Variants in CHMP5 observed in about 807,000 individuals in gnomAD.
The protein encoded by CHMP5 is SNF7 domain containing 2.
Under a neutral mutation model 33.0 loss-of-function variants are expected in CHMP5, and 17 were observed. That is an observed-to-expected ratio of 0.52 (90% CI 0.35 to 0.77). The LOEUF (loss-of-function observed/expected upper bound fraction) is 0.77. Among genes scored for constraint, CHMP5 ranks in the 30% least tolerant of loss-of-function variants. The probability of loss-of-function intolerance (pLI) is 0.01; values close to 1 mark genes in which losing one functional copy is unlikely to be tolerated. For synonymous variants in CHMP5, 76 were observed against 90.2 expected, an observed-to-expected ratio of 0.84 and a Z score of 0.89; for missense variants, 216 against 261.5, an observed-to-expected ratio of 0.83 and a Z score of 1.20.
chr9:33,278,023 T>C, intron 6 of CHMP5, 90 bp from the exon 7 acceptor site: 1 of 791,794 alleles, frequency 1.3e-6, no homozygotes, highest in Non-Finnish European at 2.1e-6. Context: ...TTCACTGCCT[T>C]CTTTCAAGTC....
At chr9:33,271,933 G>A (rs906374113) in intron 5 of CHMP5, among the ~76,000 whole-genome samples, 11 of 152,196 alleles carry the variant, frequency 7.2e-5, no homozygotes, top group African/African-American at 2.2e-4. Flanking sequence ...ATTGTCATGA[G>A]TGTTAAATGA....
At chr9:33,265,942 C>A in intron 1 of CHMP5, 68 bp from the exon 2 acceptor site, 1 of 1,006,868 alleles carries the variant, frequency 9.9e-7, no homozygotes, top group South Asian at 1.4e-5. Flanking sequence ...ATTCCTTCCT[C>A]TCTACCTGCC....
At chr9:33,270,393 G>A (rs1054577105) in intron 3 of CHMP5, among the ~76,000 whole-genome samples, 5 of 152,178 alleles carry the variant, frequency 3.3e-5, no homozygotes, top group African/African-American at 1.2e-4. Flanking sequence ...CCATTGTTAA[G>A]CGATGCATGA....
In CHMP5 at chr9:33,281,288, G is replaced by C; in HGVS notation, c.*429G>C. 1 of 156,998 alleles carries C rather than the reference G, an allele frequency of 6.4e-6. No homozygotes were observed. Among genetic ancestry groups the C allele is most frequent in the Non-Finnish European group, 1.4e-5 (1 of 71,126 alleles). 9.7% of individuals were successfully genotyped at this position (156,998 alleles called of 1,614,324 possible). A position where few individuals can be genotyped will look rare whatever the true frequency, so the allele number is the denominator to read the frequency against. On this transcript the variant is annotated 3_prime_UTR_variant, in exon 8 of 8. Transcript: ENST00000223500. ...AATCATTTTCTATTGTGGTATTATA[G>C]GTTGGTTAAAGTGATGGCCTTTTTG...
intron 7 of CHMP5, among the ~76,000 whole-genome samples, chr9:33,278,646 T>G (rs1300757051): frequency 6.6e-6 from 1 of 152,020 alleles, no homozygotes; most frequent in African/African-American, 2.4e-5. Flanking sequence ...TTCTTTTTTT[T>G]TTTTCCTGTA....
At chr9:33,273,408 C>T (rs986442747) in intron 5 of CHMP5, among the ~76,000 whole-genome samples, 1 of 152,072 alleles carries the variant, frequency 6.6e-6, no homozygotes, top group Non-Finnish European at 1.5e-5. Flanking sequence ...TTGGTGAATG[C>T]TTTGTATGTC....
intron 5 of CHMP5, among the ~76,000 whole-genome samples, chr9:33,272,786 C>G (rs1820810352): frequency 6.6e-6 from 1 of 151,656 alleles, no homozygotes. Flanking sequence ...GGCGACAGAG[C>G]AAGACTCCGT....
At chr9:33,277,887 C>T in intron 6 of CHMP5, 2 of 392,290 alleles carry the variant, frequency 5.1e-6, no homozygotes, top group East Asian at 3.8e-5. Flanking sequence ...CTTCAATTGC[C>T]CCTGATAAGT....
rs776456950 is a variant in CHMP5, at chr9:33,265,087, A to G, written c.9A>G (p.Arg3=). The change falls in exon 1 of 8, where the codon CGA becomes CGG. Residue 3 remains arginine (R), a synonymous_variant. Coordinates refer to ENST00000223500, the MANE Select transcript of CHMP5 (RefSeq NM_016410.6). ...CTTCGCGGCTGCTCAAGATGAACCG[A>G]CTCTTCGGGAAAGCGAAACCCAAGG... The part of the protein sequence containing the change: MN[R]LFGKAKPKAP... 2 of 1,613,442 alleles carry G rather than the reference A, an allele frequency of 1.2e-6. No homozygotes were observed. The highest frequency in any genetic ancestry group is 2.2e-5 in the South Asian group (2 of 91,046).
At chr9:33,269,848 C>T (rs1043447364) in intron 3 of CHMP5, among the ~76,000 whole-genome samples, 14 of 151,698 alleles carry the variant, frequency 9.2e-5, no homozygotes, top group African/African-American at 3.1e-4. Flanking sequence ...TGGCGCATGC[C>T]TGTGATCCCA....
Position 33,280,897 on chromosome 9 carries a change from A to G in CHMP5, c.*38A>G, listed in dbSNP as rs751528712. ...CAAGCATATCTTGTAAAACAAACAC[A>G]TATTATGGGACTAGGAAATATTTAT... On this transcript the variant is annotated 3_prime_UTR_variant, in exon 8 of 8. Coordinates refer to ENST00000223500, the MANE Select transcript of CHMP5 (RefSeq NM_016410.6). The G allele has an allele frequency of 6.6e-6, 10 of 1,522,840 alleles. No homozygotes were observed. Among genetic ancestry groups the G allele is most frequent in the South Asian group, 4.8e-5 (4 of 83,266 alleles). The allele number at this position is 1,522,840 out of a possible 1,614,324, so 94.3% of individuals were successfully genotyped here.
At chr9:33,270,992 G>A (rs1820787461) in intron 4 of CHMP5, among the ~76,000 whole-genome samples, 160 bp from the exon 5 acceptor site, 1 of 152,186 alleles carries the variant, frequency 6.6e-6, no homozygotes, top group Non-Finnish European at 1.5e-5. Context: ...TGAGGCAGGA[G>A]AATCACTTGA....
intron 7 of CHMP5, among the ~76,000 whole-genome samples, chr9:33,279,087 G>C (rs1459780028): frequency 1.3e-5 from 2 of 152,044 alleles, no homozygotes; most frequent in Non-Finnish European, 2.9e-5. Context: ...AACATGCCTG[G>C]CTAATTTTTG....
chr9:33,269,429 A>T (rs1000510498), intron 3 of CHMP5, among the ~76,000 whole-genome samples: 4 of 152,126 alleles, frequency 2.6e-5, no homozygotes, highest in Non-Finnish European at 5.9e-5. Context: ...GCTTGAACCC[A>T]GGAGGCAGAG....
intron 3 of CHMP5, 83 bp from the exon 4 acceptor site, chr9:33,270,540 C>A: frequency 4.8e-6 from 5 of 1,045,938 alleles, no homozygotes; most frequent in Non-Finnish European, 7.1e-6. Context: ...TTTTTAAATA[C>A]TCTTATTTAG....
At chr9:33,278,413 C>T (rs1820880610) in intron 7 of CHMP5, among the ~76,000 whole-genome samples, 188 bp downstream of exon 7, 1 of 152,200 alleles carries the variant, frequency 6.6e-6, no homozygotes, top group Non-Finnish European at 1.5e-5. Flanking sequence ...TAAACACTGT[C>T]ACTGAGGCTC....
chr9:33,272,393 C>CAAAAAA (rs10710870), intron 5 of CHMP5, among the ~76,000 whole-genome samples: 1 of 125,092 alleles, frequency 8.0e-6, no homozygotes, highest in Non-Finnish European at 1.7e-5. Flanking sequence ...GGAGATAAAG[C>CAAAAAA]AAAAAAAAAA....
chr9:33,265,761 T>C (rs1820710001), intron 1 of CHMP5, among the ~76,000 whole-genome samples: 1 of 152,202 alleles, frequency 6.6e-6, no homozygotes, highest in Non-Finnish European at 1.5e-5. Flanking sequence ...GATTCTCAAA[T>C]TATTTTCTGC....
intron 7 of CHMP5, among the ~76,000 whole-genome samples, chr9:33,279,105 A>G (rs1820889605): frequency 6.6e-6 from 1 of 152,078 alleles, no homozygotes; most frequent in South Asian, 2.1e-4. Context: ...TTGTATTTTT[A>G]GTAGAGACGG....
Sources: gnomAD v4.1 joint callset for allele counts (sites outside exome capture counted in the v4.1 genomes callset) on GRCh38, gnomAD v4.1.1 for gene constraint, MANE v1.5 for transcripts, NCBI Gene and HGNC (gene_info 2026-07-23, HGNC 2026-07-21) for gene names.